Variants in L3MBTL4 observed in about 807,000 individuals in gnomAD.
The protein encoded by L3MBTL4 is L3MBTL histone methyl-lysine binding protein 4.
L3MBTL4 carries 70 observed loss-of-function variants against 84.5 expected under a neutral mutation model. That is an observed-to-expected ratio of 0.83 (90% CI 0.68 to 1.01). The LOEUF is 1.01. Ranked by LOEUF, L3MBTL4 falls within the 50% of genes least tolerant of loss-of-function variation. L3MBTL4 has a pLI of 0.00. For synonymous variants in L3MBTL4, 274 were observed against 259.8 expected (o/e 1.05, Z -0.52); for missense variants, 715 against 754.8 (o/e 0.95, Z 0.62).
At chr18:6,394,325 G>A (rs62079203) in intron 1 of L3MBTL4, among the ~76,000 whole-genome samples, 13,397 of 151,936 alleles carry the variant, frequency 0.088, 613 homozygotes, top group Non-Finnish European at 0.1. Context: ...AAAATTAGCC[G>A]AGTATGGTGA....
intron 16 of L3MBTL4, among the ~76,000 whole-genome samples, chr18:5,990,771 GT>G (rs201023341): frequency 0.045 from 2,233 of 49,192 alleles, 46 homozygotes; most frequent in African/African-American, 0.19. Flanking sequence ...GTTCATGTGG[GT>G]GTGTGTGTGT....
intron 13 of L3MBTL4, among the ~76,000 whole-genome samples, chr18:6,138,642 C>T (rs1300506400): frequency 1.3e-5 from 2 of 152,146 alleles, no homozygotes; most frequent in African/African-American, 2.4e-5. Flanking sequence ...ACCTCTGCCT[C>T]CCGAGTTCAA....
At chr18:6,224,728 T>TG (rs2046703742) in intron 10 of L3MBTL4, among the ~76,000 whole-genome samples, 1 of 152,062 alleles carries the variant, frequency 6.6e-6, no homozygotes, top group Non-Finnish European at 1.5e-5. Flanking sequence ...TTATGTTATT[T>TG]GGGGGTGTAG....
intron 16 of L3MBTL4, among the ~76,000 whole-genome samples, chr18:6,052,706 G>T (rs1331958070): frequency 6.6e-6 from 1 of 152,178 alleles, no homozygotes; most frequent in East Asian, 1.9e-4. Flanking sequence ...CTGAATTTAC[G>T]TTTTGCAAAT....
At chr18:6,059,544 A>G (rs1044789543) in intron 16 of L3MBTL4, among the ~76,000 whole-genome samples, 4 of 152,190 alleles carry the variant, frequency 2.6e-5, no homozygotes, top group African/African-American at 9.6e-5. Flanking sequence ...ATTTGATAAG[A>G]AAAAATTTTG....
At position 5,955,520 on chromosome 18, in the gene L3MBTL4, C is replaced by T. The variant is rs1046355243; in HGVS notation, c.*700G>A. 1 of 152,204 alleles carries T rather than the reference C, an allele frequency of 6.6e-6. No individual in the cohort carries two copies. The highest frequency in any genetic ancestry group is 6.5e-5 in the Admixed American group (1 of 15,274). The allele number at this position is 152,204 out of a possible 1,614,324, so 9.4% of individuals were successfully genotyped here. ...GTGGAGGGTCCTCAGAAGGGTCTCT[C>T]CAGCTTTTGGAAGTGCCCACCTGAC... On this transcript the variant is annotated 3_prime_UTR_variant, in exon 19 of 19. Coordinates refer to ENST00000317931, the MANE Select transcript of L3MBTL4 (RefSeq NM_001330559.2).
At chr18:6,407,908 G>T (rs2055801959) in intron 1 of L3MBTL4, among the ~76,000 whole-genome samples, 1 of 152,190 alleles carries the variant, frequency 6.6e-6, no homozygotes, top group African/African-American at 2.4e-5. Context: ...AAAGCGCACA[G>T]TATGTATAGT....
At chr18:6,378,865 G>T (rs2054481664) in intron 1 of L3MBTL4, among the ~76,000 whole-genome samples, 1 of 152,176 alleles carries the variant, frequency 6.6e-6, no homozygotes, top group Non-Finnish European at 1.5e-5. Flanking sequence ...GAAAGTCAAT[G>T]GTAGCTTGAT....
chr18:6,219,233 T>C (rs951804437), intron 10 of L3MBTL4, among the ~76,000 whole-genome samples: 2 of 151,880 alleles, frequency 1.3e-5, no homozygotes, highest in African/African-American at 4.8e-5. Context: ...CACTTCGTCC[T>C]GCTGAGACTG....
chr18:6,291,861 A>G (rs2049880022), intron 4 of L3MBTL4, among the ~76,000 whole-genome samples: 1 of 152,220 alleles, frequency 6.6e-6, no homozygotes, highest in African/African-American at 2.4e-5. Context: ...GATTATACCA[A>G]GCTAAAAACT....
At chr18:6,317,639 C>T (rs960402026) in intron 1 of L3MBTL4, among the ~76,000 whole-genome samples, 4 of 152,052 alleles carry the variant, frequency 2.6e-5, no homozygotes, top group Admixed American at 2.6e-4. Context: ...AACTGGTGTT[C>T]CTGAGGGAGA....
intron 14 of L3MBTL4, among the ~76,000 whole-genome samples, chr18:6,116,151 G>A (rs185980409): frequency 7.2e-5 from 11 of 152,240 alleles, no homozygotes; most frequent in South Asian, 4.1e-4. Context: ...CAATAGTGCC[G>A]CAGAAGAGCA....
At chr18:6,148,881 G>T (rs1037199404) in intron 13 of L3MBTL4, among the ~76,000 whole-genome samples, 18 of 151,532 alleles carry the variant, frequency 1.2e-4, no homozygotes, top group African/African-American at 4.4e-4. Context: ...GGCACCTAAG[G>T]GTTTTTAATG....
intron 9 of L3MBTL4, among the ~76,000 whole-genome samples, chr18:6,239,320 G>A (rs567977060): frequency 2.4e-4 from 32 of 131,334 alleles, no homozygotes; most frequent in Admixed American, 8.1e-4. Flanking sequence ...CAGCCTGGGC[G>A]ACAGAGCGAG....
At chr18:6,212,546 C>A (rs556154702) in intron 12 of L3MBTL4, among the ~76,000 whole-genome samples, 132 of 152,282 alleles carry the variant, frequency 8.7e-4, no homozygotes, top group African/African-American at 3.0e-3. Flanking sequence ...TTAATCAAAT[C>A]TTTAATTCAA....
intron 1 of L3MBTL4, among the ~76,000 whole-genome samples, chr18:6,377,994 T>C (rs2054440134): frequency 6.6e-6 from 1 of 152,222 alleles, no homozygotes; most frequent in Non-Finnish European, 1.5e-5. Flanking sequence ...GTTTCCTGAC[T>C]TTTTAATGAT....
chr18:6,072,761 C>A (rs1430839342), intron 16 of L3MBTL4, among the ~76,000 whole-genome samples: 1 of 146,898 alleles, frequency 6.8e-6, no homozygotes, highest in Non-Finnish European at 1.5e-5. Flanking sequence ...GAGGCTGAAG[C>A]AGGAGTATGG....
intron 13 of L3MBTL4, among the ~76,000 whole-genome samples, chr18:6,165,461 C>T (rs369339986): frequency 2.6e-5 from 4 of 152,118 alleles, no homozygotes; most frequent in African/African-American, 4.8e-5. Flanking sequence ...AAGGGAAGCC[C>T]GTCAGACTAA....
intron 10 of L3MBTL4, among the ~76,000 whole-genome samples, chr18:6,233,515 A>G (rs2047084772): frequency 6.7e-6 from 1 of 150,008 alleles, no homozygotes; most frequent in Admixed American, 6.6e-5. Context: ...AAGCATTCTT[A>G]TACACCAATA....
Sources: gnomAD v4.1 joint callset for allele counts (sites outside exome capture counted in the v4.1 genomes callset) on GRCh38, gnomAD v4.1.1 for gene constraint, MANE v1.5 for transcripts, NCBI Gene and HGNC (gene_info 2026-07-23, HGNC 2026-07-21) for gene names.